Variants in RAPGEF6 observed in about 807,000 individuals in gnomAD.
The protein encoded by RAPGEF6 is Rap guanine nucleotide exchange factor 6.
RAPGEF6 carries 56 observed loss-of-function variants against 171.4 expected under a neutral mutation model. That is an observed-to-expected ratio of 0.33 (90% CI 0.26 to 0.41). The LOEUF (loss-of-function observed/expected upper bound fraction) is 0.41, where lower values mean the gene tolerates loss of function less well. Among genes scored for constraint, RAPGEF6 ranks in the 10% least tolerant of loss-of-function variants. The pLI is 1.00. For missense variants in RAPGEF6, 1,674 were observed against 1,921.4 expected, an observed-to-expected ratio of 0.87 and a Z score of 2.41; for synonymous variants, 692 against 650.1, an observed-to-expected ratio of 1.06 and a Z score of -0.98.
intron 1 of RAPGEF6, among the ~76,000 whole-genome samples, chr5:131,624,656 CCACT>C (rs1765798119): frequency 6.6e-6 from 1 of 152,106 alleles, no homozygotes; most frequent in African/African-American, 2.4e-5. Flanking sequence ...CAAAAACACT[CCACT>C]CAAATTAAGT....
At chr5:131,590,493 C>A (rs1419506609) in intron 4 of RAPGEF6, among the ~76,000 whole-genome samples, 1 of 152,132 alleles carries the variant, frequency 6.6e-6, no homozygotes, top group African/African-American at 2.4e-5. Flanking sequence ...TTACTTGATG[C>A]TTAATATATG....
chr5:131,518,029 T>C (rs1256782524), intron 7 of RAPGEF6, among the ~76,000 whole-genome samples: 1 of 152,084 alleles, frequency 6.6e-6, no homozygotes, highest in Non-Finnish European at 1.5e-5. Context: ...AATGTTCGTT[T>C]AAGAAACATA....
chr5:131,498,312 G>A (rs1756764685), intron 12 of RAPGEF6, 131 bp downstream of exon 12: 1 of 819,324 alleles, frequency 1.2e-6, no homozygotes, highest in South Asian at 2.0e-5. Flanking sequence ...TATACTGATG[G>A]TTCAGGTTCA....
intron 4 of RAPGEF6, 24 bp from the exon 5 acceptor site, chr5:131,562,071 CT>C: frequency 6.8e-7 from 1 of 1,473,320 alleles, no homozygotes; most frequent in Non-Finnish European, 9.3e-7. Context: ...AAAACAATTT[CT>C]TTAGCAAAGG....
intron 11 of RAPGEF6, among the ~76,000 whole-genome samples, chr5:131,503,214 G>A (rs1757138418): frequency 6.6e-6 from 1 of 152,198 alleles, no homozygotes; most frequent in South Asian, 2.1e-4. Context: ...ATTTAGGAGT[G>A]ATGAGGCATC....
rs753032913 is a variant in RAPGEF6, at chr5:131,510,486, C to T, written c.633G>A (p.Thr211=). The T allele has an allele frequency of 8.7e-6, 14 of 1,610,360 alleles. No individual in the cohort carries two copies. Among genetic ancestry groups the T allele is most frequent in the Middle Eastern group, 1.7e-4 (1 of 6,040 alleles). ...SSSLSDIYQA[T]ESEVGDVDLT... ...AATCTACATCTCCTACCTCACTCTC[C>T]GTAGCCTATGAAAAGAAATCTTGAT... Residue 211 remains threonine, a synonymous_variant, in exon 8 of 28, where the codon ACG becomes ACA. Coordinates refer to ENST00000509018, the MANE Select transcript of RAPGEF6 (RefSeq NM_016340.6).
rs369987301 is a variant in RAPGEF6 at position 131,468,213 on chromosome 5, T to A, written c.2240-3932A>T. Among the ~76,000 whole-genome samples the A allele has an allele frequency of 7.6e-4, 111 of 145,104 alleles. 2 individuals are homozygous for A. In the East Asian group the frequency reaches 0.019, roughly 25 times the overall value. ...TGGGCGTGGTGGCGGGCACCTATAA[T>A]CCCAGCTACTCGGGAGGCTGAGGCA... On this transcript the variant is annotated intron_variant, in intron 17 of 27. Transcript: ENST00000509018.
chr5:131,452,361 A>C lies in RAPGEF6; in HGVS notation c.3200+693T>G, dbSNP rs567067340. Among the ~76,000 whole-genome samples, 7 of 152,304 alleles carry C rather than the reference A, an allele frequency of 4.6e-5. No homozygotes were observed. The South Asian group carries it at 1.4e-3, about 32-fold the overall frequency. Reference sequence around the variant, plus strand: ...TATCAGGTTAATACAGAACACAATAAAATTTTTCATTTTTAGTAAAGTATG... The same window carrying C: ...TATCAGGTTAATACAGAACACAATACAATTTTTCATTTTTAGTAAAGTATG... On this transcript the variant is annotated intron_variant, in intron 21 of 27. Transcript: ENST00000509018.
intron 17 of RAPGEF6, among the ~76,000 whole-genome samples, chr5:131,466,243 TC>T (rs1325248949): frequency 2.6e-5 from 4 of 152,160 alleles, no homozygotes; most frequent in Non-Finnish European, 4.4e-5. Flanking sequence ...CTTCATCTAC[TC>T]TGGTTCCTTC....
rs1754835506 is a variant in RAPGEF6, at chr5:131,472,745, C to T, written c.2082-1G>A. The T allele has an allele frequency of 6.2e-7, 1 of 1,605,200 alleles. No individual in the cohort carries two copies. Among genetic ancestry groups the T allele is most frequent in the African/African-American group, 1.3e-5 (1 of 74,682 alleles). On this transcript the variant is annotated splice_acceptor_variant, in intron 16 of 27. Coordinates refer to ENST00000509018, the MANE Select transcript of RAPGEF6 (RefSeq NM_016340.6). LOFTEE classifies it high-confidence loss of function. ...TTGTGATTGGCTTAGGCCTCCATCA[C>T]TTCAAAAGAATGTCATATATCACTT...
At chr5:131,514,377 C>T (rs2149899476) in intron 7 of RAPGEF6, among the ~76,000 whole-genome samples, 1 of 151,996 alleles carries the variant, frequency 6.6e-6, no homozygotes, top group East Asian at 1.9e-4. Context: ...TCTGAAGATG[C>T]AGTTCCTGGG....
chr5:131,478,446 T>TCATGACATGATGAGC (rs1755255069), intron 16 of RAPGEF6, among the ~76,000 whole-genome samples: 1 of 152,154 alleles, frequency 6.6e-6, no homozygotes, highest in Admixed American at 6.5e-5. Flanking sequence ...TGGCTCCCTG[T>TCATGACATGATGAGC]CATGACATGA....
At chr5:131,506,670 A>G (rs1757390556) in intron 9 of RAPGEF6, among the ~76,000 whole-genome samples, 1 of 152,202 alleles carries the variant, frequency 6.6e-6, no homozygotes, top group Non-Finnish European at 1.5e-5. Flanking sequence ...AGCTACTGGA[A>G]GACAGGGAGT....
chr5:131,618,035 T>C (rs1360432192), intron 1 of RAPGEF6, among the ~76,000 whole-genome samples: 1 of 152,212 alleles, frequency 6.6e-6, no homozygotes, highest in African/African-American at 2.4e-5. Context: ...TGAAGTTCTT[T>C]GGATAAACGG....
chr5:131,570,806 T>C (rs998620456), intron 4 of RAPGEF6, among the ~76,000 whole-genome samples: 1 of 152,128 alleles, frequency 6.6e-6, no homozygotes, highest in Non-Finnish European at 1.5e-5. Context: ...GGTTGTCTGA[T>C]GAAGAAGGTG....
chr5:131,544,443 C>T (rs1383053546), intron 6 of RAPGEF6, among the ~76,000 whole-genome samples: 1 of 151,578 alleles, frequency 6.6e-6, no homozygotes, highest in Non-Finnish European at 1.5e-5. Flanking sequence ...GAAGCCCACC[C>T]CCCCAAAAAA....
At chr5:131,539,836 A>G (rs538920319) in intron 6 of RAPGEF6, among the ~76,000 whole-genome samples, 1 of 152,364 alleles carries the variant, frequency 6.6e-6, no homozygotes, top group African/African-American at 2.4e-5. Flanking sequence ...AGTAGCAATG[A>G]GAAAGAACCG....
intron 6 of RAPGEF6, among the ~76,000 whole-genome samples, chr5:131,534,123 AT>A (rs1759594142): frequency 6.6e-6 from 1 of 152,050 alleles, no homozygotes; most frequent in Non-Finnish European, 1.5e-5. Context: ...CAATATAATT[AT>A]TTTGCTTTAT....
chr5:131,453,620 C>CAA (rs1753264160), intron 20 of RAPGEF6, among the ~76,000 whole-genome samples: 2 of 152,026 alleles, frequency 1.3e-5, no homozygotes, highest in East Asian at 1.9e-4. Context: ...CAAAACAAAA[C>CAA]AAAAATCCCA....
Sources: gnomAD v4.1 joint callset for allele counts (sites outside exome capture counted in the v4.1 genomes callset) on GRCh38, gnomAD v4.1.1 for gene constraint, MANE v1.5 for transcripts, NCBI Gene and HGNC (gene_info 2026-07-23, HGNC 2026-07-21) for gene names.